The following THADA variants were observed in gnomAD, a reference collection of about 807,000 sequenced individuals.
THADA encodes the protein THADA armadillo repeat containing.
A neutral mutation model predicts 219.8 loss-of-function variants in THADA; 213 were observed. The observed-to-expected ratio is 0.97, with a 90% confidence interval of 0.87 to 1.09. The LOEUF (loss-of-function observed/expected upper bound fraction) is 1.09. Ranked by LOEUF, THADA falls within the 50% of genes least tolerant of loss-of-function variation. The pLI, the probability that THADA is intolerant of heterozygous loss-of-function variation, is 0.00. For synonymous variants in THADA, 1,018 were observed against 828.9 expected (o/e 1.23, Z -3.92); for missense variants, 2,956 against 2,311.3 (o/e 1.28, Z -5.72).
chr2:43,309,721 G>C (rs1677270525), intron 31 of THADA, among the ~76,000 whole-genome samples: 1 of 152,170 alleles, frequency 6.6e-6, no homozygotes, highest in African/African-American at 2.4e-5. Flanking sequence ...AATGCTTTAA[G>C]ATCCCCTAGG....
intron 34 of THADA, among the ~76,000 whole-genome samples, chr2:43,288,927 T>C (rs1674369359): frequency 6.6e-6 from 1 of 152,190 alleles, no homozygotes; most frequent in African/African-American, 2.4e-5. Context: ...AGAGAAACTC[T>C]GCACCCTTTA....
At chr2:43,343,940 A>C (rs1667338771) in intron 30 of THADA, 182 bp downstream of exon 30, 3 of 501,174 alleles carry the variant, frequency 6.0e-6, no homozygotes, top group Non-Finnish European at 1.1e-5. Context: ...GTTTTAGAAA[A>C]ATTGTCAAGA....
At chr2:43,282,866 C>A (rs532044805) in intron 35 of THADA, among the ~76,000 whole-genome samples, 22 of 152,318 alleles carry the variant, frequency 1.4e-4, no homozygotes, top group Admixed American at 2.0e-4. Context: ...TGAGGAGAGA[C>A]ATGGACGTGT....
At chr2:43,407,882 C>A (rs1445129968) in intron 28 of THADA, among the ~76,000 whole-genome samples, 1 of 151,908 alleles carries the variant, frequency 6.6e-6, no homozygotes, top group African/African-American at 2.4e-5. Context: ...GATGGATTCC[C>A]AAATAAAATG....
chr2:43,393,186 G>A (rs940161446), intron 29 of THADA, among the ~76,000 whole-genome samples: 1 of 152,166 alleles, frequency 6.6e-6, no homozygotes, highest in African/African-American at 2.4e-5. Flanking sequence ...TTCACGGGTC[G>A]CAGCTTCCCT....
chr2:43,454,969 G>A (rs577603720), intron 26 of THADA, among the ~76,000 whole-genome samples: 4 of 151,830 alleles, frequency 2.6e-5, no homozygotes, highest in South Asian at 2.1e-4. Context: ...TGGAAATGAC[G>A]AGTCTTGGGG....
intron 4 of THADA, among the ~76,000 whole-genome samples, chr2:43,588,611 T>C (rs1046212536): frequency 6.6e-6 from 1 of 152,158 alleles, no homozygotes; most frequent in Admixed American, 6.5e-5. Context: ...TCAATTACAC[T>C]AGTAATCTGG....
intron 36 of THADA, among the ~76,000 whole-genome samples, chr2:43,276,061 G>A (rs1672691948): frequency 6.6e-6 from 1 of 152,196 alleles, no homozygotes; most frequent in Non-Finnish European, 1.5e-5. Flanking sequence ...GCATTTCAAG[G>A]CCTGAAGTCA....
chr2:43,264,262 T>C (rs1558486466), intron 36 of THADA, among the ~76,000 whole-genome samples: 2 of 151,928 alleles, frequency 1.3e-5, no homozygotes, highest in East Asian at 1.9e-4. Context: ...GACTTGCTGA[T>C]AGAAGTAGCT....
chr2:43,566,870 G>A, intron 14 of THADA, 49 bp from the exon 15 acceptor site: 1 of 1,315,056 alleles, frequency 7.6e-7, no homozygotes, highest in Non-Finnish European at 1.0e-6. Context: ...GTCACAATAG[G>A]TTATATTCAG....
At chr2:43,248,309 A>G (rs1214584476) in intron 36 of THADA, among the ~76,000 whole-genome samples, 1 of 150,912 alleles carries the variant, frequency 6.6e-6, no homozygotes, top group Non-Finnish European at 1.5e-5. Context: ...GGTTCAGTGC[A>G]ACCTCTGCCT....
intron 36 of THADA, among the ~76,000 whole-genome samples, chr2:43,273,510 C>T (rs368144437): frequency 2.6e-5 from 4 of 152,098 alleles, no homozygotes; most frequent in East Asian, 3.9e-4. Flanking sequence ...ATACCTGAGT[C>T]GATTAGGAAA....
chr2:43,581,672 G>T, intron 8 of THADA, 69 bp downstream of exon 8: 1 of 1,380,882 alleles, frequency 7.2e-7, no homozygotes. Context: ...CTATTAGTAG[G>T]AAAAGCTGAT....
At chr2:43,273,863 G>A (rs768708280) in intron 36 of THADA, among the ~76,000 whole-genome samples, 3 of 152,164 alleles carry the variant, frequency 2.0e-5, no homozygotes, top group Non-Finnish European at 4.4e-5. Flanking sequence ...GCTGGCTCAC[G>A]GGCTCTGTGT....
At chr2:43,498,256 G>A (rs1007286025) in intron 25 of THADA, among the ~76,000 whole-genome samples, 1 of 152,118 alleles carries the variant, frequency 6.6e-6, no homozygotes, top group African/African-American at 2.4e-5. Flanking sequence ...AGTGTTTAAT[G>A]AGTACAGAGC....
chr2:43,361,759 G>C (rs932916626), intron 29 of THADA, among the ~76,000 whole-genome samples: 1 of 152,124 alleles, frequency 6.6e-6, no homozygotes, highest in Admixed American at 6.5e-5. Flanking sequence ...TATCCCTCAG[G>C]TGCTTTAAGA....
intron 19 of THADA, among the ~76,000 whole-genome samples, chr2:43,550,490 C>T (rs898951563): frequency 6.6e-6 from 1 of 152,134 alleles, no homozygotes; most frequent in African/African-American, 2.4e-5. Flanking sequence ...TTCAATTTTA[C>T]AGCTTTCAGG....
At chr2:43,300,430 AG>A (rs1310934910) in intron 31 of THADA, among the ~76,000 whole-genome samples, 2 of 152,212 alleles carry the variant, frequency 1.3e-5, no homozygotes, top group African/African-American at 4.8e-5. Flanking sequence ...AGAGAGGTGA[AG>A]TTACTTGCTC....
chr2:43,434,998 A>G (rs1160388399), intron 26 of THADA, among the ~76,000 whole-genome samples: 2 of 152,106 alleles, frequency 1.3e-5, no homozygotes, highest in Non-Finnish European at 2.9e-5. Flanking sequence ...ATGTTCCCCT[A>G]CAGGTTTGAG....
Sources: allele counts gnomAD v4.1 joint callset (sites outside exome capture counted in the v4.1 genomes callset), GRCh38; gene constraint gnomAD v4.1.1; transcripts MANE v1.5; gene names NCBI Gene and HGNC (gene_info 2026-07-23, HGNC 2026-07-21).